Variants in ZC3H12B observed in about 807,000 individuals in gnomAD.
ZC3H12B encodes the protein zinc finger CCCH-type containing 12B.
In ZC3H12B, 7 loss-of-function variants were observed where a neutral mutation model predicts 43.9. That is an observed-to-expected ratio of 0.16 (90% CI 0.09 to 0.30). The LOEUF (loss-of-function observed/expected upper bound fraction) is 0.30. Ranked by LOEUF, ZC3H12B falls within the 10% of genes least tolerant of loss-of-function variation. The pLI is 1.00. For synonymous variants in ZC3H12B, 222 were observed against 241.7 expected (o/e 0.92, Z 0.76); for missense variants, 475 against 670.2 (o/e 0.71, Z 3.22).
the ZC3H12B span, among the ~76,000 whole-genome samples, chrX:65,293,140 C>T: frequency 9.0e-6 from 1 of 111,701 alleles, no homozygotes; most frequent in Non-Finnish European, 1.9e-5. Context: ...ATGGTATCGA[C>T]AGCTGAGAAA....
chrX:65,353,074 C>T, the ZC3H12B span, among the ~76,000 whole-genome samples: 1 of 110,499 alleles, frequency 9.0e-6, no homozygotes, highest in Non-Finnish European at 1.9e-5. Context: ...CCAGGCTGGT[C>T]TCAAATTCTT....
chrX:65,216,668 C>T, the ZC3H12B span, among the ~76,000 whole-genome samples: 6 of 111,634 alleles, frequency 5.4e-5, no homozygotes, highest in African/African-American at 1.3e-4. Flanking sequence ...CTTTCCCCAC[C>T]ACCAGGCAGT....
chrX:65,129,763 G>T, the ZC3H12B span, among the ~76,000 whole-genome samples: 1 of 110,535 alleles, frequency 9.0e-6, no homozygotes, highest in Non-Finnish European at 1.9e-5. Flanking sequence ...AAAATTTTGG[G>T]GGGATGGTAT....
intron 3 of ZC3H12B, among the ~76,000 whole-genome samples, chrX:65,451,205 A>G (rs2067504824): frequency 9.0e-6 from 1 of 110,713 alleles, no homozygotes; most frequent in African/African-American, 3.3e-5. Flanking sequence ...ACACCTCGGT[A>G]TCCCAAAGTC....
At chrX:65,167,413 G>A in the ZC3H12B span, among the ~76,000 whole-genome samples, 1 of 111,325 alleles carries the variant, frequency 9.0e-6, no homozygotes, top group Non-Finnish European at 1.9e-5. Context: ...TCTCTGTTTT[G>A]GCACCGGTAC....
At chrX:65,245,722 AC>A in the ZC3H12B span, among the ~76,000 whole-genome samples, 1 of 111,605 alleles carries the variant, frequency 9.0e-6, no homozygotes, top group Non-Finnish European at 1.9e-5. Flanking sequence ...TGTATGACCA[AC>A]CCCTAGTCAA....
Position 65,460,213 on chromosome X carries a change from A to G in ZC3H12B, n.408-28433A>G, listed in dbSNP as rs190056847. Among the ~76,000 whole-genome samples the G allele has an allele frequency of 2.7e-5, 3 of 111,971 alleles. No homozygotes were observed. In the East Asian group the frequency reaches 8.4e-4, roughly 31 times the overall value. ...ACTGCTCAACAAAATAAAGGAGGAT[A>G]CAAACAAATGGAAGAACATTCCATG... On this transcript the variant is annotated intron_variant and non_coding_transcript_variant, in intron 3 of 5. Transcript: ENST00000617377.
At chrX:65,122,665 G>A in the ZC3H12B span, among the ~76,000 whole-genome samples, 1 of 110,896 alleles carries the variant, frequency 9.0e-6, no homozygotes, top group Non-Finnish European at 1.9e-5. Flanking sequence ...ACACACATAG[G>A]CTCAAAATAA....
At chrX:65,386,913 C>A (rs997635820) in intron 2 of ZC3H12B, among the ~76,000 whole-genome samples, 15 of 111,627 alleles carry the variant, frequency 1.3e-4, no homozygotes, top group Non-Finnish European at 2.6e-4. Flanking sequence ...ACCCAGTAGT[C>A]ATTCAGGAGC....
chrX:65,430,111 C>T (rs887579294), intron 3 of ZC3H12B, among the ~76,000 whole-genome samples: 1 of 112,433 alleles, frequency 8.9e-6, no homozygotes, highest in African/African-American at 3.2e-5. Flanking sequence ...AACCTCCCAC[C>T]TTGCCTGTGT....
At chrX:65,282,230 G>C in the ZC3H12B span, among the ~76,000 whole-genome samples, 1 of 110,800 alleles carries the variant, frequency 9.0e-6, no homozygotes, top group South Asian at 3.8e-4. Context: ...TGGGATGATT[G>C]CTTCAGGCCA....
chrX:65,303,735 A>G, the ZC3H12B span, among the ~76,000 whole-genome samples: 2 of 112,549 alleles, frequency 1.8e-5, no homozygotes, highest in Admixed American at 9.4e-5. Flanking sequence ...AAATTCAAAC[A>G]TATTTCTATA....
chrX:65,386,793 A>G (rs1421630950), intron 2 of ZC3H12B, among the ~76,000 whole-genome samples: 10 of 110,042 alleles, frequency 9.1e-5, no homozygotes, highest in African/African-American at 3.3e-4. Flanking sequence ...AGTGCTATAA[A>G]TTTCCCTCTA....
chrX:65,251,902 C>G, the ZC3H12B span, among the ~76,000 whole-genome samples: 1 of 111,574 alleles, frequency 9.0e-6, no homozygotes, highest in African/African-American at 3.3e-5. Context: ...TTGACTTCCT[C>G]TTTTCCTAAT....
chrX:65,175,667 G>A, the ZC3H12B span, among the ~76,000 whole-genome samples: 2 of 111,448 alleles, frequency 1.8e-5, no homozygotes, highest in Admixed American at 9.5e-5. Flanking sequence ...TTTCCATTTC[G>A]AACTGAGGTA....
chrX:65,250,538 T>A, the ZC3H12B span, among the ~76,000 whole-genome samples: 1 of 111,943 alleles, frequency 8.9e-6, no homozygotes, highest in Non-Finnish European at 1.9e-5. Flanking sequence ...GCTGAACTAG[T>A]TTACAGTCCT....
the ZC3H12B span, among the ~76,000 whole-genome samples, chrX:65,048,988 C>G: frequency 9.0e-6 from 1 of 111,507 alleles, no homozygotes; most frequent in South Asian, 3.7e-4. Context: ...GGAGAAATAT[C>G]TATTCAAGTC....
chrX:65,483,692 A>G (rs988776905), intron 3 of ZC3H12B, among the ~76,000 whole-genome samples: 1 of 112,331 alleles, frequency 8.9e-6, no homozygotes, highest in African/African-American at 3.2e-5. Flanking sequence ...GATTGTTCAT[A>G]TGTTATTACT....
chrX:65,055,600 A>G, the ZC3H12B span, among the ~76,000 whole-genome samples: 3 of 112,210 alleles, frequency 2.7e-5, no homozygotes, highest in Non-Finnish European at 3.8e-5. Flanking sequence ...TACTGGCCTC[A>G]TAAAATGAGT....
Sources: gnomAD v4.1 joint callset for allele counts (sites outside exome capture counted in the v4.1 genomes callset) on GRCh38, gnomAD v4.1.1 for gene constraint, MANE v1.5 for transcripts, NCBI Gene and HGNC (gene_info 2026-07-23, HGNC 2026-07-21) for gene names.